PDE11A: variants seen among roughly 807,000 people sequenced by gnomAD.
PDE11A encodes the protein phosphodiesterase 11A.
A neutral mutation model predicts 100.5 loss-of-function variants in PDE11A; 100 were observed. That is an observed-to-expected ratio of 1.00 (90% CI 0.85 to 1.18). The LOEUF is 1.18. PDE11A is among the 50% of genes most tolerant of loss of function. The pLI is 0.00. For missense variants in PDE11A, 1,141 were observed against 1,152.6 expected, an observed-to-expected ratio of 0.99 and a Z score of 0.15; for synonymous variants, 381 against 420.8, an observed-to-expected ratio of 0.91 and a Z score of 1.16.
chr2:177,833,305 A>G lies in PDE11A; in HGVS notation c.1500+6946T>C, dbSNP rs146520519. Among the ~76,000 whole-genome samples the G allele has an allele frequency of 3.9e-5, 6 of 152,320 alleles. No individual in the cohort carries two copies. The East Asian group carries it at 7.7e-4, about 20-fold the overall frequency. On this transcript the variant is annotated intron_variant, in intron 6 of 19. Coordinates refer to ENST00000286063, the MANE Select transcript of PDE11A (RefSeq NM_016953.4). Reference sequence around the variant, plus strand: ...ATAAGATATTTATGTAGGACTTTACATGTTGCAAACTAAGTGATATGTCCA... The same window carrying G: ...ATAAGATATTTATGTAGGACTTTACGTGTTGCAAACTAAGTGATATGTCCA...
chr2:177,790,368 C>T (rs1036735035), intron 9 of PDE11A, among the ~76,000 whole-genome samples: 2 of 151,562 alleles, frequency 1.3e-5, no homozygotes, highest in African/African-American at 4.9e-5. Context: ...CCCTTCCTTA[C>T]ACCTTATACA....
At chr2:177,848,167 A>G (rs1206073109) in intron 5 of PDE11A, among the ~76,000 whole-genome samples, 1 of 152,174 alleles carries the variant, frequency 6.6e-6, no homozygotes, top group East Asian at 1.9e-4. Context: ...TCCATGTTTA[A>G]TTTCACTTGT....
At chr2:177,746,265 T>C (rs1458212532) in intron 10 of PDE11A, among the ~76,000 whole-genome samples, 1 of 152,050 alleles carries the variant, frequency 6.6e-6, no homozygotes, top group Non-Finnish European at 1.5e-5. Flanking sequence ...AGTTGGAAGA[T>C]TAAGTGGAAG....
intron 2 of PDE11A, among the ~76,000 whole-genome samples, chr2:177,952,532 ACCTAGATGCTCAG>A (rs1275672990): frequency 6.6e-6 from 1 of 152,132 alleles, no homozygotes. Context: ...AGTTTCTGAT[ACCTAGATGCTCAG>A]AACTCAGCAG....
At chr2:177,804,033 T>G in intron 9 of PDE11A, among the ~76,000 whole-genome samples, 1 of 151,832 alleles carries the variant, frequency 6.6e-6, no homozygotes, top group East Asian at 1.9e-4. Context: ...TAGGGAGGAC[T>G]CTTCTGGACA....
At chr2:177,960,129 G>A (rs892581780) in intron 2 of PDE11A, among the ~76,000 whole-genome samples, 8 of 151,554 alleles carry the variant, frequency 5.3e-5, no homozygotes, top group African/African-American at 9.7e-5. Context: ...AAATTTCCCC[G>A]TCGCTTAAAG....
At chr2:178,083,649 T>C (rs1013173257) in intron 2 of PDE11A, among the ~76,000 whole-genome samples, 23 of 152,160 alleles carry the variant, frequency 1.5e-4, no homozygotes, top group African/African-American at 5.5e-4. Context: ...TAGTTCCTCA[T>C]ACCTTTGATT....
intron 2 of PDE11A, among the ~76,000 whole-genome samples, chr2:178,085,552 A>C (rs2087340326): frequency 6.7e-6 from 1 of 149,964 alleles, no homozygotes; most frequent in Non-Finnish European, 1.5e-5. Flanking sequence ...AAAAAAAAAT[A>C]AACCTAAAGA....
At chr2:178,096,955 C>G (rs1200236933) in intron 2 of PDE11A, among the ~76,000 whole-genome samples, 1 of 151,822 alleles carries the variant, frequency 6.6e-6, no homozygotes, top group African/African-American at 2.4e-5. Flanking sequence ...GGTGCAATCG[C>G]AACTCATTGC....
chr2:178,039,751 A>T, intron 1 of PDE11A, among the ~76,000 whole-genome samples: 1 of 152,138 alleles, frequency 6.6e-6, no homozygotes, highest in Non-Finnish European at 1.5e-5. Context: ...TGATATATTT[A>T]TACAAAGGAA....
chr2:177,843,464 A>G (rs2083523502), intron 5 of PDE11A, among the ~76,000 whole-genome samples: 1 of 152,162 alleles, frequency 6.6e-6, no homozygotes, highest in African/African-American at 2.4e-5. Flanking sequence ...GGGAGGAAAA[A>G]CCATTGGAGT....
chr2:178,030,397 T>C (rs2086530420), intron 1 of PDE11A, among the ~76,000 whole-genome samples: 1 of 152,190 alleles, frequency 6.6e-6, no homozygotes, highest in Non-Finnish European at 1.5e-5. Flanking sequence ...CTTTAAAATA[T>C]TCCCGTTAAA....
At chr2:178,069,733 A>G (rs1226978445) in intron 1 of PDE11A, among the ~76,000 whole-genome samples, 1 of 152,258 alleles carries the variant, frequency 6.6e-6, no homozygotes, top group Non-Finnish European at 1.5e-5. Context: ...TGACACCTAC[A>G]GCCACAATTC....
chr2:177,998,869 A>G, intron 2 of PDE11A: 2 of 578,066 alleles, frequency 3.5e-6, no homozygotes, highest in South Asian at 4.4e-5. Flanking sequence ...GCACTATTAC[A>G]CCCAACTGGA....
chr2:177,713,545 C>T (rs1424452080), intron 12 of PDE11A, among the ~76,000 whole-genome samples: 2 of 151,908 alleles, frequency 1.3e-5, no homozygotes, highest in East Asian at 3.9e-4. Context: ...ATGAACATGG[C>T]AAAACCCCAT....
At chr2:177,694,239 A>G (rs1438054) in intron 15 of PDE11A, among the ~76,000 whole-genome samples, 121,286 of 152,152 alleles carry the variant, frequency 0.8, 48,501 homozygotes, top group Admixed American at 0.85. Context: ...TCCCTAACAG[A>G]GCTTGATAAA....
intron 2 of PDE11A, among the ~76,000 whole-genome samples, chr2:178,088,930 A>G (rs2087389171): frequency 6.6e-6 from 1 of 152,214 alleles, no homozygotes; most frequent in South Asian, 2.1e-4. Flanking sequence ...AAGAGTTGTA[A>G]AAGTTAATTA....
At chr2:178,023,573 C>G (rs1222167213) in intron 1 of PDE11A, among the ~76,000 whole-genome samples, 1 of 152,116 alleles carries the variant, frequency 6.6e-6, no homozygotes, top group African/African-American at 2.4e-5. Context: ...CTAATCTTGA[C>G]CAATGTTTAA....
intron 2 of PDE11A, among the ~76,000 whole-genome samples, chr2:178,093,445 T>G (rs2087448956): frequency 6.6e-6 from 1 of 151,248 alleles, no homozygotes; most frequent in Non-Finnish European, 1.5e-5. Flanking sequence ...GCTGCCTCTA[T>G]CCAGATCTCC....
Sources: allele counts gnomAD v4.1 joint callset (sites outside exome capture counted in the v4.1 genomes callset), GRCh38; gene constraint gnomAD v4.1.1; transcripts MANE v1.5; gene names NCBI Gene and HGNC (gene_info 2026-07-23, HGNC 2026-07-21).